Variants in GRID2 observed in about 807,000 individuals in gnomAD.
The protein encoded by GRID2 is glutamate ionotropic receptor delta type subunit 2.
A neutral mutation model predicts 114.8 loss-of-function variants in GRID2; 33 were observed. The observed-to-expected ratio is 0.29, with a 90% CI of 0.22 to 0.38. The LOEUF (loss-of-function observed/expected upper bound fraction) is 0.38. GRID2 is among the 10% of genes least tolerant of loss of function. The pLI is 1.00. For missense variants in GRID2, 1,184 were observed against 1,257.7 expected, an observed-to-expected ratio of 0.94 and a Z score of 0.89; for synonymous variants, 505 against 449.9, an observed-to-expected ratio of 1.12 and a Z score of -1.55.
chr4:92,980,563 G>A (rs1754129010), intron 2 of GRID2, among the ~76,000 whole-genome samples: 1 of 152,016 alleles, frequency 6.6e-6, no homozygotes, highest in African/African-American at 2.4e-5. Flanking sequence ...TTGTTGTTAT[G>A]TAGTAGAGGC....
At chr4:93,378,067 G>A (rs1763531273) in intron 8 of GRID2, among the ~76,000 whole-genome samples, 2 of 152,014 alleles carry the variant, frequency 1.3e-5, no homozygotes, top group Non-Finnish European at 2.9e-5. Context: ...CAAATCCTCA[G>A]TACAGTTCCA....
At chr4:93,256,574 A>G (rs1243271478) in intron 8 of GRID2, among the ~76,000 whole-genome samples, 1 of 151,912 alleles carries the variant, frequency 6.6e-6, no homozygotes, top group East Asian at 1.9e-4. Context: ...TTGCTTCAAG[A>G]TCATATAGCA....
intron 14 of GRID2, among the ~76,000 whole-genome samples, chr4:93,702,475 G>A (rs918642807): frequency 6.6e-6 from 1 of 152,054 alleles, no homozygotes. Flanking sequence ...ATTAAGATGT[G>A]CTTATTATTT....
chr4:92,671,861 C>T (rs766096932), intron 2 of GRID2, among the ~76,000 whole-genome samples: 15 of 152,166 alleles, frequency 9.9e-5, no homozygotes, highest in Middle Eastern at 6.8e-3. Flanking sequence ...ATAACTTTTG[C>T]TAACAACTGT....
At chr4:93,693,802 A>T (rs2110120786) in intron 14 of GRID2, among the ~76,000 whole-genome samples, 1 of 152,300 alleles carries the variant, frequency 6.6e-6, no homozygotes, top group South Asian at 2.1e-4. Flanking sequence ...GGGACCAAAA[A>T]ATCTGAAAAA....
intron 1 of GRID2, among the ~76,000 whole-genome samples, chr4:92,501,549 C>T (rs1272861305): frequency 6.6e-6 from 1 of 152,130 alleles, no homozygotes; most frequent in Non-Finnish European, 1.5e-5. Context: ...AATGCCACAG[C>T]ACCATCTCAT....
At chr4:93,189,623 A>G (rs1740775103) in intron 4 of GRID2, among the ~76,000 whole-genome samples, 1 of 152,092 alleles carries the variant, frequency 6.6e-6, no homozygotes, top group Admixed American at 6.6e-5. Context: ...ATTCAATCAT[A>G]TTAATTTTTT....
chr4:93,474,167 T>A (rs980358724), intron 11 of GRID2, among the ~76,000 whole-genome samples: 1 of 152,156 alleles, frequency 6.6e-6, no homozygotes, highest in African/African-American at 2.4e-5. Context: ...GTTTATATAC[T>A]ACTACTAAAA....
chr4:92,365,505 G>A (rs1420440420), intron 1 of GRID2, among the ~76,000 whole-genome samples: 3 of 151,812 alleles, frequency 2.0e-5, no homozygotes, highest in Non-Finnish European at 2.9e-5. Context: ...TGGTGGTGGT[G>A]GTGGTGAGGG....
intron 13 of GRID2, among the ~76,000 whole-genome samples, chr4:93,550,671 A>G (rs1733669166): frequency 1.3e-5 from 2 of 152,282 alleles, no homozygotes; most frequent in East Asian, 1.9e-4. Context: ...TAATTTCTCA[A>G]ATTTTCATCA....
intron 2 of GRID2, among the ~76,000 whole-genome samples, chr4:92,881,913 G>C (rs1325412242): frequency 6.6e-6 from 1 of 152,070 alleles, no homozygotes; most frequent in Non-Finnish European, 1.5e-5. Context: ...AATAAAATTA[G>C]ATAAGTGATT....
At chr4:92,932,477 A>C (rs1750318391) in intron 2 of GRID2, among the ~76,000 whole-genome samples, 1 of 151,332 alleles carries the variant, frequency 6.6e-6, no homozygotes, top group South Asian at 2.1e-4. Context: ...TGGTAGGAAA[A>C]ATGTATGTGA....
intron 2 of GRID2, among the ~76,000 whole-genome samples, chr4:92,659,461 T>C (rs1325839421): frequency 2.0e-5 from 3 of 151,458 alleles, no homozygotes; most frequent in Non-Finnish European, 4.4e-5. Context: ...ATCTCGACTT[T>C]AGAATGTTTC....
intron 1 of GRID2, among the ~76,000 whole-genome samples, chr4:92,476,304 C>T (rs921337425): frequency 2.0e-5 from 3 of 152,016 alleles, no homozygotes; most frequent in African/African-American, 7.2e-5. Context: ...GAATTATAGG[C>T]GTGAGCAACT....
chr4:93,559,630 G>A (rs1421959870), intron 13 of GRID2, among the ~76,000 whole-genome samples: 3 of 152,190 alleles, frequency 2.0e-5, no homozygotes, highest in African/African-American at 7.2e-5. Context: ...CACTGTTGGT[G>A]GGAGTGTAAA....
chr4:92,624,662 A>C (rs1579708927), intron 2 of GRID2, among the ~76,000 whole-genome samples: 1 of 151,976 alleles, frequency 6.6e-6, no homozygotes, highest in East Asian at 1.9e-4. Flanking sequence ...GTTTGAAAAC[A>C]AGGCCACTGT....
chr4:93,098,895 A>G (rs948316913), intron 3 of GRID2, among the ~76,000 whole-genome samples: 9 of 151,688 alleles, frequency 5.9e-5, no homozygotes, highest in Non-Finnish European at 1.0e-4. Flanking sequence ...CTCTACTTCT[A>G]TTCATGTGTT....
chr4:92,332,119 A>G (rs1390933889), intron 1 of GRID2, among the ~76,000 whole-genome samples: 1 of 152,294 alleles, frequency 6.6e-6, no homozygotes, highest in Middle Eastern at 3.4e-3. Flanking sequence ...TACTTTTCTC[A>G]GTCCCTTTCT....
chr4:92,948,595 G>A (rs944488119), intron 2 of GRID2, among the ~76,000 whole-genome samples: 2 of 151,676 alleles, frequency 1.3e-5, no homozygotes, highest in African/African-American at 4.8e-5. Flanking sequence ...TAGTTCTATG[G>A]ATAAGAAAAA....
Sources: allele counts gnomAD v4.1 joint callset (sites outside exome capture counted in the v4.1 genomes callset), GRCh38; gene constraint gnomAD v4.1.1; transcripts MANE v1.5; gene names NCBI Gene and HGNC (gene_info 2026-07-23, HGNC 2026-07-21).